The following RFX6 variants were observed in gnomAD, a reference collection of about 807,000 sequenced individuals.
The protein encoded by RFX6 is regulatory factor X6, also known as DNA-binding protein RFX6.
A neutral mutation model predicts 110.8 loss-of-function variants in RFX6; 50 were observed. That is an observed-to-expected ratio of 0.45 (90% CI 0.36 to 0.57). The LOEUF (loss-of-function observed/expected upper bound fraction) is 0.57. Ranked by LOEUF, RFX6 falls within the 20% of genes least tolerant of loss-of-function variation. The pLI, the probability that RFX6 is intolerant of heterozygous loss-of-function variation, is 0.00. For synonymous variants in RFX6, 383 were observed against 411.2 expected, an observed-to-expected ratio of 0.93 and a Z score of 0.83; for missense variants, 990 against 1,127.0, an observed-to-expected ratio of 0.88 and a Z score of 1.74.
In RFX6 at chr6:116,928,900, G is replaced by C. The variant is rs1775817080; in HGVS notation, c.2540G>C (p.Ser847Thr). ...GATCCACTTAACATTTTAGATGACA[G>C]TGGTAGAAAACAGACCAGCTCGTTT... ...IHDPLNILDD[S>T]GRKQTSSFYT... is the part of the protein sequence containing the mutation. The change falls in exon 18 of 19, where the codon AGT (serine) becomes ACT (threonine). Residue 847 changes from serine (S) to threonine (T), a missense_variant. By Grantham distance (58) the Ser-to-Thr change is moderately conservative. Coordinates refer to ENST00000332958, the MANE Select transcript of RFX6 (RefSeq NM_173560.4). 1 of 1,613,902 alleles carries C rather than the reference G, an allele frequency of 6.2e-7. No homozygotes were observed. The highest frequency in any genetic ancestry group is 1.7e-5 in the Admixed American group (1 of 60,000).
At chr6:116,924,852 T>G (rs1775675676) in intron 15 of RFX6, 61 bp downstream of exon 15, 1 of 1,250,356 alleles carries the variant, frequency 8.0e-7, no homozygotes, top group Admixed American at 1.7e-5. Flanking sequence ...AGTTCAAGAA[T>G]TTATAAGTTC....
chr6:116,880,451 A>G, intron 2 of RFX6, 93 bp from the exon 3 acceptor site: 1 of 1,107,610 alleles, frequency 9.0e-7, no homozygotes, highest in South Asian at 1.3e-5. Flanking sequence ...CCTCATTTAT[A>G]GAGTCCATAT....
Position 116,924,655 on chromosome 6 carries a change from C to T in RFX6, c.1556-14C>T. On this transcript the variant is annotated splice_polypyrimidine_tract_variant and intron_variant, in intron 14 of 18. Coordinates refer to ENST00000332958, the MANE Select transcript of RFX6 (RefSeq NM_173560.4). ...TTCACACTGTCCTCTCCTCATTCTCCATCCATAAACAAGGTTCTTTTCATT... is the reference window on the plus strand; with the variant it reads ...TTCACACTGTCCTCTCCTCATTCTCTATCCATAAACAAGGTTCTTTTCATT... The T allele has an allele frequency of 6.2e-7, 1 of 1,607,336 alleles. No individual in the cohort carries two copies. The highest frequency in any genetic ancestry group is 8.5e-7 in the Non-Finnish European group (1 of 1,174,096).
rs1421675546 is a variant in RFX6, at chr6:116,930,944, G to A, written c.2612-387G>A. Among the ~76,000 whole-genome samples the A allele has an allele frequency of 2.0e-5, 3 of 152,126 alleles. No homozygotes were observed. In the East Asian group the frequency reaches 5.8e-4, roughly 29 times the overall value. On this transcript the variant is annotated intron_variant, in intron 18 of 18. Transcript: ENST00000332958. ...TCATTCTGGTTGCTCTCGGGAAGGT[G>A]AGTGGGTGAAACAAAGGTGGAGATC...
chr6:116,915,830 C>G (rs1186675507), intron 7 of RFX6, among the ~76,000 whole-genome samples, 178 bp from the exon 8 acceptor site: 1 of 151,940 alleles, frequency 6.6e-6, no homozygotes, highest in Non-Finnish European at 1.5e-5. Flanking sequence ...GCTTTTCTCC[C>G]TTCACAAGGC....
intron 14 of RFX6, among the ~76,000 whole-genome samples, chr6:116,923,832 A>G (rs1297809871): frequency 6.6e-6 from 1 of 152,156 alleles, no homozygotes; most frequent in East Asian, 1.9e-4. Context: ...TTTTCCTTAG[A>G]ATTCCTGAGA....
Position 116,922,292 on chromosome 6 carries a change from A to T in RFX6, c.1437+141A>T. 4.5e-6 allele frequency: 3 copies of T among 663,480 alleles called. No homozygotes were observed. The South Asian group carries it at 5.0e-5, about 11-fold the overall frequency. The allele number at this position is 663,480 out of a possible 1,614,324, so 41.1% of individuals were successfully genotyped here. On this transcript the variant is annotated intron_variant, in intron 13 of 18. Coordinates refer to ENST00000332958, the MANE Select transcript of RFX6 (RefSeq NM_173560.4). ...GAAAAGCTTTTGATGCTCTACGAATAAGGCAGGCCAAATACTGAAATTAGG... is the reference window on the plus strand; with the variant it reads ...GAAAAGCTTTTGATGCTCTACGAATTAGGCAGGCCAAATACTGAAATTAGG...
At chr6:116,895,098 C>A in intron 5 of RFX6, 82 bp from the exon 6 acceptor site, 1 of 725,358 alleles carries the variant, frequency 1.4e-6, no homozygotes, top group East Asian at 2.6e-5. Flanking sequence ...GAAATTACTG[C>A]TTCTTTAGGT....
chr6:116,903,377 T>C (rs1775119138), intron 6 of RFX6, among the ~76,000 whole-genome samples: 1 of 152,070 alleles, frequency 6.6e-6, no homozygotes, highest in South Asian at 2.1e-4. Flanking sequence ...CATACTTTAT[T>C]TCTTAATATG....
intron 3 of RFX6, among the ~76,000 whole-genome samples, chr6:116,881,271 T>A (rs1774584505): frequency 6.6e-6 from 1 of 152,026 alleles, no homozygotes; most frequent in Non-Finnish European, 1.5e-5. Context: ...TGAGAATCAA[T>A]ATGAATGTCT....
intron 6 of RFX6, among the ~76,000 whole-genome samples, chr6:116,900,604 T>A (rs558188858): frequency 7.2e-5 from 11 of 151,998 alleles, no homozygotes; most frequent in East Asian, 3.9e-4. Flanking sequence ...TTAAAAAAAA[T>A]TTTTATTTCA....
intron 4 of RFX6, among the ~76,000 whole-genome samples, chr6:116,890,462 C>G (rs1774802996): frequency 6.6e-6 from 1 of 152,106 alleles, no homozygotes; most frequent in South Asian, 2.1e-4. Context: ...TCCAGAGACT[C>G]TCCTCTACCT....
At chr6:116,930,593 G>A (rs973276173) in intron 18 of RFX6, among the ~76,000 whole-genome samples, 1 of 152,164 alleles carries the variant, frequency 6.6e-6, no homozygotes, top group Non-Finnish European at 1.5e-5. Flanking sequence ...GGACAGCTGA[G>A]AAAGGAATCC....
chr6:116,886,530 A>G (rs1774702377), intron 4 of RFX6, among the ~76,000 whole-genome samples: 1 of 152,208 alleles, frequency 6.6e-6, no homozygotes, highest in African/African-American at 2.4e-5. Flanking sequence ...CAAAGAGATG[A>G]TTAGTAGGGC....
chr6:116,892,311 T>C (rs1774849898), intron 4 of RFX6, among the ~76,000 whole-genome samples: 2 of 152,194 alleles, frequency 1.3e-5, no homozygotes, highest in African/African-American at 4.8e-5. Context: ...CTGGCTGTCA[T>C]CCAGCTGCTG....
Position 116,915,994 on chromosome 6 carries a change from C to G in RFX6, c.781-14C>G. The G allele has an allele frequency of 6.3e-7, 1 of 1,586,790 alleles. No homozygotes were observed. The highest frequency in any genetic ancestry group is 8.6e-7 in the Non-Finnish European group (1 of 1,156,150). ...AAAGGATGCTTTGGTTAAGCTTTTT[C>G]TTCCTTGAAATAGGTTGATACGCTC... On this transcript the variant is annotated splice_polypyrimidine_tract_variant and intron_variant, in intron 7 of 18. Coordinates refer to ENST00000332958, the MANE Select transcript of RFX6 (RefSeq NM_173560.4).
chr6:116,919,252 G>A lies in RFX6; in HGVS notation c.1138G>A (p.Val380Ile). Residue 380 changes from valine to isoleucine, a missense_variant, in exon 11 of 19, where the codon GTA (valine) becomes ATA (isoleucine). Val to Ile is a conservative substitution (Grantham distance 29, BLOSUM62 3). This residue lies in a region of RFX6 where 243 missense variants were observed against 353.1 expected (regional missense o/e 0.69). Transcript: ENST00000332958. The part of the protein sequence containing the change: ...DKKIPIVRRF[V>I]SSLKRQTSFL... ...GAAAATACCTATTGTGCGAAGATTT[G>A]TATCTTCTCTGAAACGACAAACATC... The A allele has an allele frequency of 6.2e-7, 1 of 1,613,358 alleles. No homozygotes were observed. Among genetic ancestry groups the A allele is most frequent in the Non-Finnish European group, 8.5e-7 (1 of 1,179,422 alleles).
intron 6 of RFX6, among the ~76,000 whole-genome samples, chr6:116,908,243 C>T (rs1161278783): frequency 2.6e-5 from 4 of 152,002 alleles, no homozygotes; most frequent in Non-Finnish European, 4.4e-5. Flanking sequence ...CGAGTGAGAA[C>T]ACGTGATATT....
intron 6 of RFX6, among the ~76,000 whole-genome samples, chr6:116,909,959 G>A (rs968467936): frequency 1.3e-5 from 2 of 151,494 alleles, no homozygotes; most frequent in Non-Finnish European, 2.9e-5. Context: ...TAGAAAGACA[G>A]GATGGGAACC....
Sources: gnomAD v4.1 joint callset for allele counts (sites outside exome capture counted in the v4.1 genomes callset) on GRCh38, gnomAD v4.1.1 for gene constraint, gnomAD v4.1.1 regional missense constraint, MANE v1.5 for transcripts, NCBI Gene and HGNC (gene_info 2026-07-23, HGNC 2026-07-21) for gene names.